Variants in B3GAT2 observed in about 807,000 individuals in gnomAD.
The protein encoded by B3GAT2 is galactosylgalactosylxylosylprotein 3-beta-glucuronosyltransferase 2.
A neutral mutation model predicts 27.8 loss-of-function variants in B3GAT2; 26 were observed. That is an observed-to-expected ratio of 0.93 (90% CI 0.68 to 1.30). The LOEUF (loss-of-function observed/expected upper bound fraction) is 1.30, where lower values mean the gene tolerates loss of function less well. Among genes scored for constraint, B3GAT2 ranks in the 50% most tolerant of loss-of-function variants. B3GAT2 has a pLI of 0.00. For missense variants in B3GAT2, 458 were observed against 459.0 expected, an observed-to-expected ratio of 1.00 and a Z score of 0.02; for synonymous variants, 218 against 195.1, an observed-to-expected ratio of 1.12 and a Z score of -0.98.
At position 70,956,055 on chromosome 6, in the gene B3GAT2, C is replaced by A. The variant is rs552429904; in HGVS notation, c.375G>T (p.Leu125=). The A allele has an allele frequency of 6.3e-7, 1 of 1,584,492 alleles. No individual in the cohort carries two copies. Among genetic ancestry groups the A allele is most frequent in the East Asian group, 2.3e-5 (1 of 42,858 alleles). ...CGGCCCGCGCCAGGAAGCGGCTCAC[C>A]AGCTCGCTGCGCGCCGCCGCGTCCT... ...LVEDAAARSE[L]VSRFLARAGL... Residue 125 remains leucine (L), a synonymous_variant, in exon 1 of 4, where the codon CTG becomes CTT. Transcript: ENST00000230053.
In B3GAT2 at chr6:70,860,937, A is replaced by G. The variant is rs1771694367; in HGVS notation, c.*726T>C. ...CGTTTAATGAATGCTTAAAGAATTC[A>G]AATTTTATCTGCCTCTCTTGTAATT... On this transcript the variant is annotated 3_prime_UTR_variant, in exon 4 of 4. Transcript: ENST00000230053. The G allele has an allele frequency of 2.7e-6, 1 of 374,198 alleles. No individual in the cohort carries two copies. The highest frequency in any genetic ancestry group is 4.8e-6 in the Non-Finnish European group (1 of 210,354). The allele number at this position is 374,198 out of a possible 1,614,324, so 23.2% of individuals were successfully genotyped here.
chr6:70,860,507 A>T lies in B3GAT2; in HGVS notation c.*1156T>A. The stretch of plus-strand genomic sequence containing the variant: ...TACTGATTCAATTTGATGTGGTGAA[A>T]AGCAGGTTGATAAATCATTTTATGT... On this transcript the variant is annotated 3_prime_UTR_variant, in exon 4 of 4. Coordinates refer to ENST00000230053, the MANE Select transcript of B3GAT2 (RefSeq NM_080742.3). 6.5e-6 allele frequency: 4 copies of T among 618,596 alleles called. No homozygotes were observed. The highest frequency in any genetic ancestry group is 9.6e-6 in the Non-Finnish European group (4 of 415,066). 38.3% of individuals were successfully genotyped at this position (618,596 alleles called of 1,614,324 possible).
chr6:70,877,405 G>A (rs190917211), intron 2 of B3GAT2, among the ~76,000 whole-genome samples: 27 of 152,268 alleles, frequency 1.8e-4, no homozygotes, highest in African/African-American at 3.9e-4. Flanking sequence ...GTTTTCCCCC[G>A]ACCCTCTGCC....
chr6:70,923,901 C>G (rs1398874721), intron 1 of B3GAT2, among the ~76,000 whole-genome samples: 1 of 152,082 alleles, frequency 6.6e-6, no homozygotes, highest in Non-Finnish European at 1.5e-5. Flanking sequence ...GTTGTATGTA[C>G]TTAAAGTTTC....
At chr6:70,934,577 T>A (rs764163894) in intron 1 of B3GAT2, among the ~76,000 whole-genome samples, 1 of 152,166 alleles carries the variant, frequency 6.6e-6, no homozygotes, top group Non-Finnish European at 1.5e-5. Context: ...TTTCTAACTA[T>A]TTGCATTCAA....
At position 70,904,677 on chromosome 6, in the gene B3GAT2, G is replaced by A. The variant is rs73505648; in HGVS notation, c.592-10405C>T. Among the ~76,000 whole-genome samples the A allele has an allele frequency of 1.4e-3, 218 of 152,264 alleles. 1 individual carries two copies. Among genetic ancestry groups the A allele is most frequent in the African/African-American group, 4.7e-3 (196 of 41,556 alleles). On this transcript the variant is annotated intron_variant, in intron 1 of 3. Coordinates refer to ENST00000230053, the MANE Select transcript of B3GAT2 (RefSeq NM_080742.3). ...AAGGGTTCCTGGCCAATCTGTGAAC[G>A]ATTTTAAATATCAGAAAGAATGACA... is the stretch of plus-strand genomic sequence containing the variant.
chr6:70,940,242 A>C (rs1163627172), intron 1 of B3GAT2, among the ~76,000 whole-genome samples: 1 of 152,140 alleles, frequency 6.6e-6, no homozygotes, highest in East Asian at 1.9e-4. Context: ...GAATGTTTTT[A>C]TTAATGAAAA....
chr6:70,918,682 G>C (rs1772817004), intron 1 of B3GAT2, among the ~76,000 whole-genome samples: 1 of 152,112 alleles, frequency 6.6e-6, no homozygotes, highest in African/African-American at 2.4e-5. Context: ...ATGAAATTCT[G>C]GGTTAAAAAT....
At chr6:70,955,670 G>T (rs1047581039) in intron 1 of B3GAT2, among the ~76,000 whole-genome samples, 169 bp downstream of exon 1, 4 of 152,202 alleles carry the variant, frequency 2.6e-5, no homozygotes, top group African/African-American at 9.6e-5. Context: ...GCCAGCGGAG[G>T]CTGCGGAGTG....
intron 1 of B3GAT2, among the ~76,000 whole-genome samples, chr6:70,898,963 A>AAAATAAAT (rs138877861): frequency 0.017 from 2,543 of 149,596 alleles, 24 homozygotes; most frequent in Middle Eastern, 0.052. Flanking sequence ...ACCCTGGCTC[A>AAAATAAAT]AAATAAATAA....
intron 2 of B3GAT2, among the ~76,000 whole-genome samples, chr6:70,866,734 T>A (rs1408558571): frequency 6.6e-6 from 1 of 151,796 alleles, no homozygotes; most frequent in Admixed American, 6.6e-5. Context: ...GGGAAAAAAA[T>A]TTGAAGAAAT....
intron 1 of B3GAT2, among the ~76,000 whole-genome samples, chr6:70,926,318 A>G (rs960011116): frequency 2.0e-5 from 3 of 152,224 alleles, no homozygotes; most frequent in Non-Finnish European, 4.4e-5. Context: ...CTGGATGGAG[A>G]ATGACTTTAA....
At chr6:70,908,777 A>G (rs1772640269) in intron 1 of B3GAT2, among the ~76,000 whole-genome samples, 1 of 152,196 alleles carries the variant, frequency 6.6e-6, no homozygotes, top group South Asian at 2.1e-4. Flanking sequence ...TTGGAACTGG[A>G]TGCAGGATAA....
At chr6:70,921,681 G>A (rs960994011) in intron 1 of B3GAT2, among the ~76,000 whole-genome samples, 3 of 152,142 alleles carry the variant, frequency 2.0e-5, no homozygotes, top group Non-Finnish European at 4.4e-5. Context: ...TTTTTGAATT[G>A]CCAGAGTTCT....
chr6:70,863,403 A>C (rs1161400507), intron 2 of B3GAT2, among the ~76,000 whole-genome samples: 1 of 152,202 alleles, frequency 6.6e-6, no homozygotes, highest in East Asian at 1.9e-4. Context: ...TTACAAACAT[A>C]ACGTGGTACA....
At chr6:70,919,667 T>G (rs1772833175) in intron 1 of B3GAT2, among the ~76,000 whole-genome samples, 1 of 152,164 alleles carries the variant, frequency 6.6e-6, no homozygotes. Flanking sequence ...CAGCTGCAGG[T>G]CTGTTGGAGT....
rs111348805 is a variant in B3GAT2 at position 70,908,116 on chromosome 6, A to G, written c.592-13844T>C. 6.3e-3 allele frequency among the ~76,000 whole-genome samples: 966 copies of G among 152,296 alleles called. 5 individuals carry two copies. The highest frequency in any genetic ancestry group is 0.041 in the Middle Eastern group (12 of 294). Reference sequence around the variant, plus strand: ...GTTGGTTTGGTGCAAGGCCATAAAAACTTTAACCACAGTATCAGGGAGAAG... The same window carrying G: ...GTTGGTTTGGTGCAAGGCCATAAAAGCTTTAACCACAGTATCAGGGAGAAG... On this transcript the variant is annotated intron_variant, in intron 1 of 3. Coordinates refer to ENST00000230053, the MANE Select transcript of B3GAT2 (RefSeq NM_080742.3).
intron 2 of B3GAT2, among the ~76,000 whole-genome samples, chr6:70,889,287 C>T (rs1422727537): frequency 6.6e-6 from 1 of 152,182 alleles, no homozygotes; most frequent in African/African-American, 2.4e-5. Context: ...ATTTCTCCCC[C>T]TCCATCATTA....
intron 1 of B3GAT2, among the ~76,000 whole-genome samples, chr6:70,950,399 T>A (rs1765561104): frequency 6.6e-6 from 1 of 151,970 alleles, no homozygotes; most frequent in African/African-American, 2.4e-5. Context: ...AAGAAAGACC[T>A]GAATTCAAAA....
Sources: allele counts gnomAD v4.1 joint callset (sites outside exome capture counted in the v4.1 genomes callset), GRCh38; gene constraint gnomAD v4.1.1; transcripts MANE v1.5; gene names NCBI Gene and HGNC (gene_info 2026-07-23, HGNC 2026-07-21).